The following TSPEAR variants were observed in gnomAD, a reference collection of about 807,000 sequenced individuals.
TSPEAR encodes the protein thrombospondin-type laminin G domain and EAR repeat-containing protein.
Under a neutral mutation model 71.6 loss-of-function variants are expected in TSPEAR, and 69 were observed. The ratio of observed to expected loss-of-function variants is 0.96; its 90% CI spans 0.79 to 1.18. The LOEUF is 1.18. TSPEAR is among the 50% of genes most tolerant of loss of function. TSPEAR has a pLI of 0.00. For synonymous variants in TSPEAR, 402 were observed against 387.2 expected (o/e 1.04, Z -0.45); for missense variants, 971 against 894.9 (o/e 1.09, Z -1.09).
chr21:44,627,666 G>A (rs1982934275), intron 1 of TSPEAR: 1 of 1,613,656 alleles, frequency 6.2e-7, no homozygotes, highest in Middle Eastern at 1.7e-4. Flanking sequence ...GCTGCCAACA[G>A]TCTAGCTGCC....
intron 1 of TSPEAR, among the ~76,000 whole-genome samples, chr21:44,653,181 C>T (rs1183586468): frequency 1.3e-5 from 2 of 152,032 alleles, no homozygotes; most frequent in East Asian, 3.9e-4. Context: ...ATAAATGATG[C>T]TAGTCCTTGC....
chr21:44,616,518 C>T (rs937641076), intron 1 of TSPEAR, among the ~76,000 whole-genome samples: 3 of 152,160 alleles, frequency 2.0e-5, no homozygotes, highest in Admixed American at 6.5e-5. Context: ...GCTGCCTGGC[C>T]CTGCCTCCTC....
chr21:44,627,744 C>T, intron 1 of TSPEAR: 1 of 1,595,354 alleles, frequency 6.3e-7, no homozygotes, highest in African/African-American at 1.3e-5. Context: ...GTAAGCCTGT[C>T]TGCTGCAAAC....
rs149397253 is a variant in TSPEAR at position 44,504,807 on chromosome 21, G to A, written c.1829C>T (p.Thr610Ile). The A allele has an allele frequency of 6.2e-7, 1 of 1,613,834 alleles. No homozygotes were observed. ...GTAAATAATACTGTTCACCGAGAAG[G>A]TACGCCCATCGAAGGAGTTGGCCAC... ...LVVANSFDGR[T>I]FSVNSIIYRW... is the part of the protein sequence containing the mutation. The change falls in exon 11 of 12, where the codon ACC becomes ATC. Residue 610 changes from threonine (T) to isoleucine (I), a missense_variant. Coordinates refer to ENST00000323084, the MANE Select transcript of TSPEAR (RefSeq NM_144991.3).
chr21:44,561,539 T>C (rs1206703006), intron 2 of TSPEAR, among the ~76,000 whole-genome samples: 1 of 152,106 alleles, frequency 6.6e-6, no homozygotes, highest in African/African-American at 2.4e-5. Context: ...AAAGAAAACT[T>C]CAGGCCAATA....
intron 9 of TSPEAR, chr21:44,517,840 C>G (rs1555913681): frequency 2.1e-6 from 1 of 471,244 alleles, no homozygotes; most frequent in Admixed American, 2.3e-5. Context: ...TTGAAGGTAA[C>G]TTTCCTTTGC....
intron 1 of TSPEAR, among the ~76,000 whole-genome samples, chr21:44,617,061 TCACTCACTCACC>T (rs1451215050): frequency 1.3e-5 from 2 of 151,990 alleles, no homozygotes; most frequent in Non-Finnish European, 2.9e-5. Context: ...CCCAAGCACC[TCACTCACTCACC>T]CACTCACTCA....
chr21:44,522,060 C>T lies in TSPEAR; in HGVS notation c.1389G>A (p.Arg463=). 6.2e-7 allele frequency: 1 copy of T among 1,614,126 alleles called. No individual in the cohort carries two copies. The highest frequency in any genetic ancestry group is 1.3e-5 in the African/African-American group (1 of 75,056). The change falls in exon 9 of 12, where the codon CGG becomes CGA. Residue 463 remains arginine (R), a synonymous_variant. Transcript: ENST00000323084. The part of the protein sequence containing the change: ...SVIYKWNPAT[R]LFEANQTIAT... ...CGATGGTCTGGTTGGCCTCGAAGAG[C>T]CGGGTTGCCGGGTTCCACTTGTAGA...
In TSPEAR at chr21:44,558,091, C is replaced by A. The variant is rs587708489; in HGVS notation, c.303+9694G>T. 4 of 1,612,454 alleles carry A rather than the reference C, an allele frequency of 2.5e-6. No individual in the cohort carries two copies. In the African/African-American group the frequency reaches 4.0e-5, roughly 16 times the overall value. ...TGGCCTGAGGAGAGGCCGCAGCACG[C>A]GGAAGAGAGGCGGGAGCACGTGGGG... On this transcript the variant is annotated intron_variant, in intron 2 of 11. Transcript: ENST00000323084.
At chr21:44,704,438 G>A (rs187380573) in intron 1 of TSPEAR, among the ~76,000 whole-genome samples, 8 of 152,324 alleles carry the variant, frequency 5.3e-5, no homozygotes, top group East Asian at 1.9e-4. Context: ...CAAACCGTGC[G>A]GGGTGGCCCT....
At chr21:44,599,443 TC>T (rs782485462) in intron 1 of TSPEAR, among the ~76,000 whole-genome samples, 4 of 152,130 alleles carry the variant, frequency 2.6e-5, no homozygotes, top group Non-Finnish European at 5.9e-5. Context: ...TGGAGCCCTC[TC>T]CCCTGGGTAG....
At chr21:44,538,646 G>A (rs1294512723) in intron 2 of TSPEAR, among the ~76,000 whole-genome samples, 8 of 152,294 alleles carry the variant, frequency 5.3e-5, no homozygotes, top group Non-Finnish European at 8.8e-5. Flanking sequence ...TGCAGTGCCC[G>A]GACCCCAGGG....
At chr21:44,529,250 T>C (rs587673701) in intron 5 of TSPEAR, among the ~76,000 whole-genome samples, 3 of 152,238 alleles carry the variant, frequency 2.0e-5, no homozygotes, top group East Asian at 3.9e-4. Flanking sequence ...TTTCAGATTC[T>C]CCATGGCAGG....
chr21:44,560,054 G>T (rs1466076531), intron 2 of TSPEAR, among the ~76,000 whole-genome samples: 1 of 152,146 alleles, frequency 6.6e-6, no homozygotes, highest in Non-Finnish European at 1.5e-5. Flanking sequence ...TGGATGAAGA[G>T]TCATGACCCG....
intron 1 of TSPEAR, chr21:44,591,991 C>T: frequency 6.2e-7 from 1 of 1,603,250 alleles, no homozygotes; most frequent in Non-Finnish European, 8.5e-7. Context: ...AATCCCAGAG[C>T]AGACAGGCTT....
chr21:44,692,840 T>C (rs1428294453), intron 1 of TSPEAR, among the ~76,000 whole-genome samples: 1 of 152,026 alleles, frequency 6.6e-6, no homozygotes, highest in Admixed American at 6.5e-5. Context: ...CTTTTTTTTT[T>C]CCAGAAATGA....
chr21:44,540,321 G>A, intron 2 of TSPEAR: 2 of 1,122,756 alleles, frequency 1.8e-6, no homozygotes, highest in Non-Finnish European at 1.3e-6. Context: ...CTTCCTGGTT[G>A]CTGAGAGGTG....
intron 1 of TSPEAR, among the ~76,000 whole-genome samples, chr21:44,706,066 G>A (rs2146337249): frequency 6.6e-6 from 1 of 152,250 alleles, no homozygotes; most frequent in Admixed American, 6.5e-5. Flanking sequence ...GAACCTACGT[G>A]ATTATCGGGG....
intron 9 of TSPEAR, chr21:44,518,278 A>C (rs1370924014): frequency 2.1e-6 from 1 of 467,592 alleles, no homozygotes; most frequent in Non-Finnish European, 4.4e-6. Flanking sequence ...TTTTTGTCAA[A>C]CATCCGGGGA....
Sources: gnomAD v4.1 joint callset for allele counts (sites outside exome capture counted in the v4.1 genomes callset) on GRCh38, gnomAD v4.1.1 for gene constraint, MANE v1.5 for transcripts, NCBI Gene and HGNC (gene_info 2026-07-23, HGNC 2026-07-21) for gene names.